PPP1R13B: variants seen among roughly 807,000 people sequenced by gnomAD.
The protein encoded by PPP1R13B is apoptosis-stimulating of p53 protein 1.
Under a neutral mutation model 119.8 loss-of-function variants are expected in PPP1R13B, and 44 were observed. The ratio of observed to expected loss-of-function variants is 0.37; its 90% CI spans 0.29 to 0.47. The LOEUF (loss-of-function observed/expected upper bound fraction) is 0.47. Ranked by LOEUF, PPP1R13B falls within the 20% of genes least tolerant of loss-of-function variation. The probability of loss-of-function intolerance (pLI) is 0.99; values close to 1 mark genes in which losing one functional copy is unlikely to be tolerated. For synonymous variants in PPP1R13B, 542 were observed against 561.5 expected (o/e 0.97, Z 0.49); for missense variants, 1,227 against 1,413.5 (o/e 0.87, Z 2.12).
chr14:103,848,337 G>T (rs1264887448), upstream of PPP1R13B: 1 of 985,330 alleles, frequency 1.0e-6, no homozygotes, highest in Non-Finnish European at 1.2e-6. Context: ...TCGTCTCCAG[G>T]GCCTGGGTCT....
chr14:103,808,053 C>T (rs1243353889), intron 1 of PPP1R13B, among the ~76,000 whole-genome samples: 1 of 151,748 alleles, frequency 6.6e-6, no homozygotes, highest in Non-Finnish European at 1.5e-5. Flanking sequence ...CCAGCCTGGC[C>T]AACATGGCGA....
rs1027435980 is a variant in PPP1R13B, at chr14:103,792,992, A to T, written c.157+4379T>A. Among the ~76,000 whole-genome samples, 4 of 151,492 alleles carry T rather than the reference A, an allele frequency of 2.6e-5. No individual in the cohort carries two copies. In the East Asian group the frequency reaches 5.8e-4, roughly 22 times the overall value. ...GAGGCTGAGGCAGGAGAATCACTGG[A>T]ACCTGGGAGGCAGAGGTTGCAGTCA... On this transcript the variant is annotated intron_variant, in intron 2 of 16. Coordinates refer to ENST00000202556, the MANE Select transcript of PPP1R13B (RefSeq NM_015316.3).
At position 103,742,191 on chromosome 14, in the gene PPP1R13B, C is replaced by T. The variant is rs968812513; in HGVS notation, c.1421G>A (p.Gly474Glu). ...CCTCCTTTCCAGGGAGCTTGTCGAC[C>T]CAGGACCCAGAGGTGTAGGACTTGG... is the stretch of plus-strand genomic sequence containing the variant. ...TYPSPTPLGP[G>E]STSSLERRKE... Residue 474 changes from glycine to glutamate, a missense_variant, in exon 11 of 17, where the codon GGG (glycine) becomes GAG (glutamate). By Grantham distance (98) the Gly-to-Glu change is moderately conservative. Coordinates refer to ENST00000202556, the MANE Select transcript of PPP1R13B (RefSeq NM_015316.3). The surrounding 1 kb of genome is among the most constrained non-coding windows in gnomAD (Gnocchi z 4.9). 6.2e-7 allele frequency: 1 copy of T among 1,605,022 alleles called. No homozygotes were observed. Among genetic ancestry groups the T allele is most frequent in the Admixed American group, 1.7e-5 (1 of 59,980 alleles).
At chr14:103,762,510 A>G (rs572722364) in intron 4 of PPP1R13B, among the ~76,000 whole-genome samples, 1 of 151,724 alleles carries the variant, frequency 6.6e-6, no homozygotes, top group Non-Finnish European at 1.5e-5. Context: ...ATGACGAGTT[A>G]ATGGGTGCAG....
At chr14:103,796,871 C>T (rs530742614) in intron 2 of PPP1R13B, among the ~76,000 whole-genome samples, 9 of 152,188 alleles carry the variant, frequency 5.9e-5, no homozygotes, top group South Asian at 2.1e-4. Context: ...GCACAAGAAT[C>T]GTTTGAACCC....
chr14:103,793,148 A>C, intron 2 of PPP1R13B, among the ~76,000 whole-genome samples: 1 of 125,108 alleles, frequency 8.0e-6, no homozygotes, highest in South Asian at 3.4e-4. Context: ...GGGGAGGGAA[A>C]GGAGGGGAAG....
chr14:103,821,641 C>T (rs1249759446), intron 1 of PPP1R13B, among the ~76,000 whole-genome samples: 1 of 152,080 alleles, frequency 6.6e-6, no homozygotes, highest in African/African-American at 2.4e-5. Flanking sequence ...ATCCCAGATA[C>T]TCGGGAGGCT....
intron 4 of PPP1R13B, among the ~76,000 whole-genome samples, chr14:103,774,630 C>T (rs1342421353): frequency 6.6e-6 from 1 of 152,098 alleles, no homozygotes; most frequent in African/African-American, 2.4e-5. Context: ...AGCATCCTGC[C>T]CTTCTCTTCC....
intron 1 of PPP1R13B, among the ~76,000 whole-genome samples, chr14:103,822,882 C>A (rs1184561783): frequency 6.6e-6 from 1 of 152,120 alleles, no homozygotes; most frequent in Non-Finnish European, 1.5e-5. Context: ...CCATTTATGA[C>A]ATGCAAATGA....
At chr14:103,796,750 A>G (rs2085767883) in intron 2 of PPP1R13B, among the ~76,000 whole-genome samples, 1 of 152,112 alleles carries the variant, frequency 6.6e-6, no homozygotes, top group Non-Finnish European at 1.5e-5. Context: ...TGAGCTCAGG[A>G]GTTCAAGACC....
At chr14:103,844,472 G>C (rs1315253209) in intron 1 of PPP1R13B, among the ~76,000 whole-genome samples, 1 of 152,128 alleles carries the variant, frequency 6.6e-6, no homozygotes, top group Non-Finnish European at 1.5e-5. Context: ...GCTCATGCCT[G>C]TAATCCCAGC....
intron 2 of PPP1R13B, among the ~76,000 whole-genome samples, chr14:103,787,318 G>A (rs915634212): frequency 4.6e-5 from 7 of 151,836 alleles, no homozygotes; most frequent in South Asian, 2.1e-4. Context: ...GCATGGTGGC[G>A]CATGCCTGTG....
rs2085425862 is a variant in PPP1R13B, at chr14:103,785,019, T to C, written c.158-105A>G. On this transcript the variant is annotated intron_variant, in intron 2 of 16. Coordinates refer to ENST00000202556, the MANE Select transcript of PPP1R13B (RefSeq NM_015316.3). Reference sequence around the variant, plus strand: ...GAATGTATATATGCACACATGTATGTCTACATGTTACAATTCAAAGATATT... The same window carrying C: ...GAATGTATATATGCACACATGTATGCCTACATGTTACAATTCAAAGATATT... 24 of 956,706 alleles carry C rather than the reference T, an allele frequency of 2.5e-5. No homozygotes were observed. In the East Asian group the frequency reaches 6.7e-4, roughly 27 times the overall value. 59.3% of individuals were successfully genotyped at this position (956,706 alleles called of 1,614,324 possible).
At chr14:103,788,789 T>A (rs1052703485) in intron 2 of PPP1R13B, among the ~76,000 whole-genome samples, 35 of 152,154 alleles carry the variant, frequency 2.3e-4, no homozygotes, top group Non-Finnish European at 1.2e-4. Context: ...TGAAAAAAAT[T>A]AGCATTTTTG....
chr14:103,734,685 G>T lies in PPP1R13B; in HGVS notation c.*469C>A, dbSNP rs1285379027. On this transcript the variant is annotated 3_prime_UTR_variant, in exon 17 of 17. Transcript: ENST00000202556. ...GCTCCTTTGGTGATGAAGGGAAGAAGGATCATGTGTGGGAAGTGTGAGAAA... is the reference window on the plus strand; with the variant it reads ...GCTCCTTTGGTGATGAAGGGAAGAATGATCATGTGTGGGAAGTGTGAGAAA... 1 of 457,162 alleles carries T rather than the reference G, an allele frequency of 2.2e-6. No homozygotes were observed. The highest frequency in any genetic ancestry group is 4.4e-6 in the Non-Finnish European group (1 of 227,312). 28.3% of individuals were successfully genotyped at this position (457,162 alleles called of 1,614,324 possible). A position where few individuals can be genotyped will look rare whatever the true frequency, so the allele number is the denominator to read the frequency against.
rs375786818 is a variant in PPP1R13B at position 103,754,080 on chromosome 14, G to A, written c.621C>T (p.Asn207=). ...GTTGCAGGCACGTACACAGATTGCC[G>A]TTCATGATTTTGCTGTAGTCGACTT... The part of the protein sequence containing the change: ...RGQVDYSKIM[N]GNLSAEIERF... The change falls in exon 6 of 17, where the codon AAC becomes AAT. Residue 207 remains asparagine (N), a synonymous_variant. Coordinates refer to ENST00000202556, the MANE Select transcript of PPP1R13B (RefSeq NM_015316.3). 105 of 1,613,950 alleles carry A rather than the reference G, an allele frequency of 6.5e-5. 2 individuals carry two copies. The Middle Eastern group carries it at 6.6e-4, about 10-fold the overall frequency.
intron 1 of PPP1R13B, among the ~76,000 whole-genome samples, chr14:103,803,406 G>A: frequency 6.6e-6 from 1 of 152,174 alleles, no homozygotes; most frequent in East Asian, 1.9e-4. Context: ...CACTTTGGGA[G>A]GCCAAGGCAG....
chr14:103,753,574 G>GA (rs2084600771), intron 6 of PPP1R13B, among the ~76,000 whole-genome samples: 1 of 151,914 alleles, frequency 6.6e-6, no homozygotes, highest in Admixed American at 6.6e-5. Flanking sequence ...AGTTCATACA[G>GA]AAAAAAAGTG....
rs554554766 is a variant in PPP1R13B at position 103,752,714 on chromosome 14, T to C, written c.828+286A>G. ...CACGCCCAGCTAATTTTTCTATTTT[T>C]AGTAGAGACGGGGTTTCACCATATT... On this transcript the variant is annotated intron_variant, in intron 7 of 16. Coordinates refer to ENST00000202556, the MANE Select transcript of PPP1R13B (RefSeq NM_015316.3). Among the ~76,000 whole-genome samples, 178 of 152,122 alleles carry C rather than the reference T, an allele frequency of 1.2e-3. 1 individual carries two copies. Among genetic ancestry groups the C allele is most frequent in the Middle Eastern group, 3.4e-3 (1 of 294 alleles).
Sources: allele counts gnomAD v4.1 joint callset (sites outside exome capture counted in the v4.1 genomes callset), GRCh38; gene constraint gnomAD v4.1.1; non-coding constraint Gnocchi (gnomAD v3.1); transcripts MANE v1.5; gene names NCBI Gene and HGNC (gene_info 2026-07-23, HGNC 2026-07-21).